TFB1M: variants seen among roughly 807,000 people sequenced by gnomAD.
The protein encoded by TFB1M is dimethyladenosine transferase 1, mitochondrial.
Under a neutral mutation model 31.1 loss-of-function variants are expected in TFB1M, and 27 were observed. The ratio of observed to expected loss-of-function variants is 0.87; its 90% CI spans 0.64 to 1.20. TFB1M has a LOEUF of 1.20. Ranked by LOEUF, TFB1M falls within the 50% of genes most tolerant of loss-of-function variation. The pLI, the probability that TFB1M is intolerant of heterozygous loss-of-function variation, is 0.00. For missense variants in TFB1M, 394 were observed against 418.7 expected, an observed-to-expected ratio of 0.94 and a Z score of 0.51; for synonymous variants, 166 against 151.8, an observed-to-expected ratio of 1.09 and a Z score of -0.69.
chr6:155,276,202 AG>A, intron 5 of TFB1M: 1 of 1,614,132 alleles, frequency 6.2e-7, no homozygotes, highest in Non-Finnish European at 8.5e-7. Context: ...ATGAACCTGG[AG>A]GAGCTATCTA....
chr6:155,262,694 A>G (rs1363095263), intron 5 of TFB1M, among the ~76,000 whole-genome samples: 1 of 152,224 alleles, frequency 6.6e-6, no homozygotes, highest in Non-Finnish European at 1.5e-5. Context: ...TAAGACCAAA[A>G]GCACAAATAC....
intron 5 of TFB1M, among the ~76,000 whole-genome samples, chr6:155,281,810 AC>A (rs1467619931): frequency 1.0e-5 from 1 of 97,410 alleles, no homozygotes; most frequent in African/African-American, 3.3e-5. Flanking sequence ...GAAGCCTATC[AC>A]CATAATTCAT....
At chr6:155,286,882 A>G (rs1776685405) in intron 4 of TFB1M, among the ~76,000 whole-genome samples, 2 of 151,932 alleles carry the variant, frequency 1.3e-5, no homozygotes, top group South Asian at 4.1e-4. Flanking sequence ...AACATTATAA[A>G]TGTTTGTAAG....
Position 155,314,366 on chromosome 6 carries a change from G to A in TFB1M, c.63C>T (p.Ile21=). Reference sequence around the variant, plus strand: ...CTGCTTGCAGTCTTAACAACTTAATGATTTCTCGAATCGTGGGCAACGGAG... The same window carrying A: ...CTGCTTGCAGTCTTAACAACTTAATAATTTCTCGAATCGTGGGCAACGGAG... ...RLPPLPTIRE[I]IKLLRLQAAK... is the part of the protein sequence containing the mutation. The change falls in exon 1 of 7, where the codon ATC becomes ATT. Residue 21 remains isoleucine (I), a synonymous_variant. Coordinates refer to ENST00000367166, the MANE Select transcript of TFB1M (RefSeq NM_016020.4). The A allele has an allele frequency of 6.2e-7, 1 of 1,614,228 alleles. No homozygotes were observed. Among genetic ancestry groups the A allele is most frequent in the Non-Finnish European group, 8.5e-7 (1 of 1,180,036 alleles).
chr6:155,255,085 C>T (rs1044803204), downstream of TFB1M: 3 of 154,576 alleles, frequency 1.9e-5, no homozygotes, highest in Non-Finnish European at 4.3e-5. Context: ...CAATACATTT[C>T]ATGAGATACT....
intron 4 of TFB1M, among the ~76,000 whole-genome samples, chr6:155,293,129 C>T (rs896444820): frequency 4.6e-5 from 7 of 151,720 alleles, no homozygotes; most frequent in African/African-American, 1.2e-4. Flanking sequence ...TGAGCCAGCA[C>T]GCCTGGCCAA....
At chr6:155,264,541 C>G (rs1409490233) in intron 5 of TFB1M, among the ~76,000 whole-genome samples, 1 of 152,228 alleles carries the variant, frequency 6.6e-6, no homozygotes, top group Non-Finnish European at 1.5e-5. Flanking sequence ...CGGTCAGTAC[C>G]TATCCTAAAG....
chr6:155,285,401 G>A, intron 4 of TFB1M, 124 bp from the exon 5 acceptor site: 2 of 1,061,588 alleles, frequency 1.9e-6, no homozygotes, highest in Non-Finnish European at 2.8e-6. Flanking sequence ...GAAAAGAATG[G>A]GCTATCTGAC....
At chr6:155,275,897 G>A (rs1430016724) in intron 5 of TFB1M, 2 of 1,614,114 alleles carry the variant, frequency 1.2e-6, no homozygotes, top group Non-Finnish European at 8.5e-7. Flanking sequence ...GTACAGCACT[G>A]GGATGTTCAG....
At chr6:155,251,017 A>G in the TFB1M span, 21 of 1,613,732 alleles carry the variant, frequency 1.3e-5, no homozygotes, top group Non-Finnish European at 1.8e-5. Flanking sequence ...AGCTCACAGT[A>G]TTTGGTTAGT....
chr6:155,296,410 C>T (rs1777173126), intron 4 of TFB1M, among the ~76,000 whole-genome samples: 1 of 151,276 alleles, frequency 6.6e-6, no homozygotes. Flanking sequence ...CAGGCACCCC[C>T]CACCACACCC....
chr6:155,240,804 C>T, the TFB1M span: 2 of 1,302,378 alleles, frequency 1.5e-6, no homozygotes, highest in Non-Finnish European at 2.1e-6. Context: ...GCCCAGGACA[C>T]CTGCCACTCC....
downstream of TFB1M, chr6:155,254,761 A>C (rs1583295255): frequency 6.3e-6 from 4 of 636,708 alleles, no homozygotes; most frequent in Non-Finnish European, 1.0e-5. Flanking sequence ...GCCACCCCCA[A>C]CCCCCAGTCC....
chr6:155,288,202 C>T (rs1341748269), intron 4 of TFB1M, among the ~76,000 whole-genome samples: 1 of 152,220 alleles, frequency 6.6e-6, no homozygotes, highest in African/African-American at 2.4e-5. Context: ...TCAAAGCCAA[C>T]CTTTCATCTC....
At chr6:155,278,690 G>A (rs936493506) in intron 5 of TFB1M, among the ~76,000 whole-genome samples, 20 of 152,212 alleles carry the variant, frequency 1.3e-4, no homozygotes, top group Non-Finnish European at 1.2e-4. Context: ...TAAGTGGGGA[G>A]ATGGTTCCAA....
At chr6:155,275,584 C>T (rs974504419) in intron 5 of TFB1M, 51 of 820,062 alleles carry the variant, frequency 6.2e-5, no homozygotes, top group Non-Finnish European at 8.0e-5. Flanking sequence ...TACTTTCTTT[C>T]GCTCAATCCT....
chr6:155,246,215 T>G, the TFB1M span, among the ~76,000 whole-genome samples: 1 of 152,142 alleles, frequency 6.6e-6, no homozygotes, highest in Admixed American at 6.5e-5. Context: ...TGCTCTTCGG[T>G]GTTTCTCTCT....
At chr6:155,276,036 G>A (rs778327378) in intron 5 of TFB1M, 29 of 1,613,990 alleles carry the variant, frequency 1.8e-5, no homozygotes, top group South Asian at 5.5e-5. Context: ...AAATGTACTC[G>A]CTTAGGAGGG....
the TFB1M span, among the ~76,000 whole-genome samples, chr6:155,250,314 A>G: frequency 7.3e-6 from 1 of 136,368 alleles, no homozygotes; most frequent in South Asian, 2.3e-4. Context: ...TTTTTTTAAC[A>G]TCAAATATTG....
Sources: allele counts gnomAD v4.1 joint callset (sites outside exome capture counted in the v4.1 genomes callset), GRCh38; gene constraint gnomAD v4.1.1; transcripts MANE v1.5; gene names NCBI Gene and HGNC (gene_info 2026-07-23, HGNC 2026-07-21).